The following CDK14 variants were observed in gnomAD, a reference collection of about 807,000 sequenced individuals.
CDK14 encodes the protein cyclin dependent kinase 14.
A neutral mutation model predicts 60.7 loss-of-function variants in CDK14; 34 were observed. The observed-to-expected ratio is 0.56, with a 90% confidence interval of 0.43 to 0.75. The LOEUF is 0.75. Among genes scored for constraint, CDK14 ranks in the 30% least tolerant of loss-of-function variants. CDK14 has a pLI of 0.00. For missense variants in CDK14, 482 were observed against 564.1 expected, an observed-to-expected ratio of 0.85 and a Z score of 1.47; for synonymous variants, 197 against 203.7, an observed-to-expected ratio of 0.97 and a Z score of 0.28.
At chr7:90,618,285 TAG>T (rs1286665392) in intron 2 of CDK14, among the ~76,000 whole-genome samples, 2 of 152,196 alleles carry the variant, frequency 1.3e-5, no homozygotes, top group Non-Finnish European at 2.9e-5. Context: ...TTTTTATTGG[TAG>T]AGTGAGTGCT....
rs377163526 is a variant in CDK14, at chr7:91,050,779, G to C, written c.1105+4819G>C. ...ACACCAGCATCTGCTTCTGGTGGGG[G>C]CCTCAAGAAGCTTCCAATCAGGAGA... On this transcript the variant is annotated intron_variant, in intron 11 of 14. Coordinates refer to ENST00000380050, the MANE Select transcript of CDK14 (RefSeq NM_001287135.2). Among the ~76,000 whole-genome samples the C allele has an allele frequency of 3.3e-5, 5 of 152,166 alleles. No individual in the cohort carries two copies. The East Asian group carries it at 9.6e-4, about 29-fold the overall frequency.
At chr7:91,037,311 T>C (rs1182767350) in intron 10 of CDK14, among the ~76,000 whole-genome samples, 1 of 152,186 alleles carries the variant, frequency 6.6e-6, no homozygotes, top group African/African-American at 2.4e-5. Context: ...TTCCTTCAAG[T>C]AACTGATAAA....
intron 10 of CDK14, among the ~76,000 whole-genome samples, chr7:91,038,148 C>G (rs887754960): frequency 4.6e-5 from 7 of 152,152 alleles, no homozygotes; most frequent in Middle Eastern, 3.4e-3. Flanking sequence ...CCATTCTGCT[C>G]CAGGAAGGTA....
At chr7:90,877,458 A>T (rs1389260786) in intron 6 of CDK14, among the ~76,000 whole-genome samples, 2 of 151,846 alleles carry the variant, frequency 1.3e-5, no homozygotes, top group Non-Finnish European at 2.9e-5. Context: ...TTGCTGAGTA[A>T]GAATTTTCCA....
chr7:90,843,645 T>C (rs1790372367), intron 5 of CDK14, among the ~76,000 whole-genome samples: 1 of 152,148 alleles, frequency 6.6e-6, no homozygotes, highest in Non-Finnish European at 1.5e-5. Flanking sequence ...CAAAGTTCCC[T>C]GGGGCAGAGA....
At chr7:91,100,937 T>G (rs1023323203) in intron 12 of CDK14, among the ~76,000 whole-genome samples, 4 of 152,184 alleles carry the variant, frequency 2.6e-5, no homozygotes, top group African/African-American at 9.6e-5. Flanking sequence ...TAGAGTTGAC[T>G]GCAAGGGCAG....
chr7:90,848,912 C>T (rs755999665), intron 5 of CDK14, among the ~76,000 whole-genome samples: 36 of 152,120 alleles, frequency 2.4e-4, no homozygotes, highest in Non-Finnish European at 4.1e-4. Context: ...GCTGAAATTA[C>T]GACCATCCAC....
intron 10 of CDK14, among the ~76,000 whole-genome samples, chr7:91,029,846 T>TA (rs150051571): frequency 0.25 from 37,253 of 151,978 alleles, 4,646 homozygotes; most frequent in South Asian, 0.33. Flanking sequence ...TACAAGACCA[T>TA]ATCATTGACA....
intron 14 of CDK14, among the ~76,000 whole-genome samples, chr7:91,193,599 G>A (rs961517435): frequency 6.6e-5 from 10 of 151,944 alleles, no homozygotes; most frequent in African/African-American, 2.4e-4. Context: ...AATGGAAGTT[G>A]GTTTCAAATT....
intron 14 of CDK14, among the ~76,000 whole-genome samples, chr7:91,145,201 T>C (rs1056798932): frequency 1.6e-4 from 24 of 152,224 alleles, no homozygotes; most frequent in African/African-American, 5.3e-4. Context: ...CTATTGATAT[T>C]GATAACCAAT....
chr7:91,164,892 C>G (rs997946954), intron 14 of CDK14, among the ~76,000 whole-genome samples: 6 of 152,044 alleles, frequency 3.9e-5, no homozygotes, highest in African/African-American at 1.4e-4. Context: ...CCTGGTGATC[C>G]AAGGTTGGGG....
At chr7:90,880,859 G>T (rs1791726529) in intron 6 of CDK14, among the ~76,000 whole-genome samples, 2 of 152,068 alleles carry the variant, frequency 1.3e-5, no homozygotes, top group East Asian at 3.9e-4. Context: ...TCTGACTACT[G>T]AAAGAAAAAC....
intron 2 of CDK14, among the ~76,000 whole-genome samples, chr7:90,619,367 A>G (rs1304879490): frequency 6.6e-6 from 1 of 152,214 alleles, no homozygotes; most frequent in Non-Finnish European, 1.5e-5. Flanking sequence ...TAAATAAAAG[A>G]TACAGCCTGA....
At chr7:90,973,342 G>A (rs565869167) in intron 9 of CDK14, among the ~76,000 whole-genome samples, 169 of 152,166 alleles carry the variant, frequency 1.1e-3, no homozygotes, top group African/African-American at 3.7e-3. Context: ...GGCAGTGCAC[G>A]GGCTATGCTG....
intron 9 of CDK14, among the ~76,000 whole-genome samples, chr7:90,981,670 A>G (rs1383826795): frequency 2.0e-5 from 3 of 152,178 alleles, no homozygotes; most frequent in Non-Finnish European, 2.9e-5. Context: ...TAAATTGAGT[A>G]TGGGGGTGCA....
At chr7:90,608,301 T>G (rs937847588) in intron 2 of CDK14, among the ~76,000 whole-genome samples, 3 of 152,224 alleles carry the variant, frequency 2.0e-5, no homozygotes, top group Non-Finnish European at 4.4e-5. Context: ...AGAATATTAA[T>G]GATACCTAAT....
At chr7:90,896,479 C>T (rs569782856) in intron 6 of CDK14, among the ~76,000 whole-genome samples, 17 of 151,942 alleles carry the variant, frequency 1.1e-4, no homozygotes, top group South Asian at 2.1e-4. Context: ...CTTCTTATTC[C>T]GAATTTTTAT....
rs187566914 is a variant in CDK14, at chr7:90,829,543, T to G, written c.545-33632T>G. The stretch of plus-strand genomic sequence containing the variant: ...CCAGCAGGGCAGTCATTAAATCCTT[T>G]TTTTTTGAGATGGAGCCTCACTCTG... On this transcript the variant is annotated intron_variant, in intron 5 of 14. Transcript: ENST00000380050. 3.9e-5 allele frequency among the ~76,000 whole-genome samples: 6 copies of G among 152,226 alleles called. No individual in the cohort carries two copies. In the East Asian group the frequency reaches 1.2e-3, roughly 29 times the overall value.
chr7:90,675,131 A>T (rs908864106), intron 2 of CDK14, among the ~76,000 whole-genome samples: 1 of 152,148 alleles, frequency 6.6e-6, no homozygotes, highest in Non-Finnish European at 1.5e-5. Context: ...GGTTTTGAGG[A>T]TAAGAGAGCC....
Sources: allele counts gnomAD v4.1 joint callset (sites outside exome capture counted in the v4.1 genomes callset), GRCh38; gene constraint gnomAD v4.1.1; transcripts MANE v1.5; gene names NCBI Gene and HGNC (gene_info 2026-07-23, HGNC 2026-07-21).